TMUB2: variants seen among roughly 807,000 people sequenced by gnomAD.
TMUB2 encodes the protein transmembrane and ubiquitin like domain containing 2, also known as transmembrane and ubiquitin-like domain-containing protein 2.
TMUB2 carries 19 observed loss-of-function variants against 20.2 expected under a neutral mutation model. The ratio of observed to expected loss-of-function variants is 0.94; its 90% confidence interval spans 0.66 to 1.38. TMUB2 has a LOEUF of 1.38. Ranked by LOEUF, TMUB2 falls within the 40% of genes most tolerant of loss-of-function variation. The pLI, the probability that TMUB2 is intolerant of heterozygous loss-of-function variation, is 0.00. For synonymous variants in TMUB2, 186 were observed against 166.0 expected (o/e 1.12, Z -0.92); for missense variants, 426 against 402.5 (o/e 1.06, Z -0.50).
intron 3 of TMUB2, 193 bp from the exon 4 acceptor site, chr17:44,190,308 G>A (rs1379492403): frequency 2.8e-5 from 15 of 537,858 alleles, no homozygotes; most frequent in Admixed American, 1.4e-4. Flanking sequence ...CCGAGATCGC[G>A]CCACTGCACT....
At position 44,187,726 on chromosome 17, in the gene TMUB2, TCAAAA is replaced by T. The variant is rs1459573761; in HGVS notation, c.22_26del (p.Asn8ProfsTer16). 2 of 718,642 alleles carry T rather than the reference TCAAAA, an allele frequency of 2.8e-6. No homozygotes were observed. The highest frequency in any genetic ancestry group is 3.0e-5 in the South Asian group (2 of 67,606). The allele number at this position is 718,642 out of a possible 1,614,324, so 44.5% of individuals were successfully genotyped here. A position where few individuals can be genotyped will look rare whatever the true frequency, so the allele number is the denominator to read the frequency against. Reference sequence around the variant, plus strand: ...TTGCTTCGATGATTTCACGTCATCTTCAAAACAACCTCATGAGGTAGGTACTGTTT... The same window carrying T: ...TTGCTTCGATGATTTCACGTCATCTTCAACCTCATGAGGTAGGTACTGTTT... On this transcript the variant is annotated frameshift_variant, in exon 2 of 4. Transcript: ENST00000538716. LOFTEE classifies it high-confidence loss of function.
rs2055422141 is a variant in TMUB2 at position 44,190,726 on chromosome 17, T to C, written c.828T>C (p.Pro276=). 1 of 1,614,126 alleles carries C rather than the reference T, an allele frequency of 6.2e-7. No homozygotes were observed. Among genetic ancestry groups the C allele is most frequent in the African/African-American group, 1.3e-5 (1 of 74,942 alleles). Residue 276 remains proline, a synonymous_variant, in exon 4 of 4, where the codon CCT becomes CCC. Transcript: ENST00000538716. ...TCAATGTGGGCAGCCTCATGGTGCC[T>C]GTCTTTGTGGTGCTGTTGGGTGTGG... The part of the protein sequence containing the change: ...LGVNVGSLMV[P]VFVVLLGVVW...
rs982154843 is a variant in TMUB2 at position 44,189,105 on chromosome 17, C to T, written c.119C>T (p.Ala40Val). 6.8e-6 allele frequency: 11 copies of T among 1,613,906 alleles called. No individual in the cohort carries two copies. Among genetic ancestry groups the T allele is most frequent in the Non-Finnish European group, 9.3e-6 (11 of 1,180,010 alleles). The change falls in exon 3 of 4, where the codon GCA becomes GTA. Residue 40 changes from alanine (A) to valine (V), a missense_variant. Transcript: ENST00000538716. ...EGVGNEVMVV[A>V]GVVVLILALV... ...GTGGGTAATGAGGTGATGGTGGTGG[C>T]AGGTGTGGTGGTGCTGATTCTAGCC...
intron 3 of TMUB2, 65 bp from the exon 4 acceptor site, chr17:44,190,436 C>G: frequency 1.3e-6 from 2 of 1,518,456 alleles, no homozygotes; most frequent in Non-Finnish European, 1.8e-6. Flanking sequence ...CTTTGTTGGT[C>G]CAGGCCTGTT....
chr17:44,189,205 A>C lies in TMUB2; in HGVS notation c.219A>C (p.Ala73=), dbSNP rs758770870. 1 of 1,614,130 alleles carries C rather than the reference A, an allele frequency of 6.2e-7. No individual in the cohort carries two copies. Residue 73 remains alanine, a synonymous_variant, in exon 3 of 4, where the codon GCA becomes GCC. Coordinates refer to ENST00000538716, the MANE Select transcript of TMUB2 (RefSeq NM_001076674.3). ...SNQLLGAIVS[A]GDTSVLHLGH... ...AGCTCCTGGGCGCTATTGTGTCAGC[A>C]GGCGACACATCCGTCCTCCACCTGG...
At position 44,190,991 on chromosome 17, in the gene TMUB2, A is replaced by G. The variant is rs2055490119; in HGVS notation, c.*127A>G. On this transcript the variant is annotated 3_prime_UTR_variant, in exon 4 of 4. Transcript: ENST00000538716. The stretch of plus-strand genomic sequence containing the variant: ...AGGATGTGATGGAAATCTCCTCCAT[A>G]GGACACAGGAGGCAAGTATGCGGCC... 1.3e-6 allele frequency: 2 copies of G among 1,491,334 alleles called. No homozygotes were observed. Among genetic ancestry groups the G allele is most frequent in the Non-Finnish European group, 1.8e-6 (2 of 1,129,268 alleles). The allele number at this position is 1,491,334 out of a possible 1,614,324, so 92.4% of individuals were successfully genotyped here. A position where few individuals can be genotyped will look rare whatever the true frequency, so the allele number is the denominator to read the frequency against.
At position 44,190,486 on chromosome 17, in the gene TMUB2, C is replaced by G. The variant is rs935054186; in HGVS notation, c.603-15C>G. The G allele has an allele frequency of 7.0e-6, 11 of 1,576,900 alleles. No individual in the cohort carries two copies. Among genetic ancestry groups the G allele is most frequent in the Admixed American group, 1.7e-5 (1 of 57,412 alleles). ...TCACCCTCTATCTTTTCTTCCATGTCTTTCATCCTTACAGCAAATACTTCC... is the reference window on the plus strand; with the variant it reads ...TCACCCTCTATCTTTTCTTCCATGTGTTTCATCCTTACAGCAAATACTTCC... On this transcript the variant is annotated splice_polypyrimidine_tract_variant and intron_variant, in intron 3 of 3. Coordinates refer to ENST00000538716, the MANE Select transcript of TMUB2 (RefSeq NM_001076674.3).
At position 44,190,937 on chromosome 17, in the gene TMUB2, G is replaced by T; in HGVS notation, c.*73G>T. 6.6e-7 allele frequency: 1 copy of T among 1,524,470 alleles called. No homozygotes were observed. Among genetic ancestry groups the T allele is most frequent in the South Asian group, 1.3e-5 (1 of 75,666 alleles). The allele number at this position is 1,524,470 out of a possible 1,614,324, so 94.4% of individuals were successfully genotyped here. A position where few individuals can be genotyped will look rare whatever the true frequency, so the allele number is the denominator to read the frequency against. On this transcript the variant is annotated 3_prime_UTR_variant, in exon 4 of 4. Coordinates refer to ENST00000538716, the MANE Select transcript of TMUB2 (RefSeq NM_001076674.3). Reference sequence around the variant, plus strand: ...CCCCACTTTTCCTGGCCAGAGCTGGGCCCAAGGGCCGGGGAGGGAGGGGTG... The same window carrying T: ...CCCCACTTTTCCTGGCCAGAGCTGGTCCCAAGGGCCGGGGAGGGAGGGGTG...
In TMUB2 at chr17:44,191,300, T is replaced by G. The variant is rs897921151; in HGVS notation, c.*436T>G. ...GGAGCCTGGAGTATCCTTCCATTTCTCAGCCAAATACTCATCTTTTGAGAC... is the reference window on the plus strand; with the variant it reads ...GGAGCCTGGAGTATCCTTCCATTTCGCAGCCAAATACTCATCTTTTGAGAC... On this transcript the variant is annotated 3_prime_UTR_variant, in exon 4 of 4. Coordinates refer to ENST00000538716, the MANE Select transcript of TMUB2 (RefSeq NM_001076674.3). 23 of 995,236 alleles carry G rather than the reference T, an allele frequency of 2.3e-5. No homozygotes were observed. The highest frequency in any genetic ancestry group is 2.5e-5 in the Non-Finnish European group (21 of 835,578). The allele number at this position is 995,236 out of a possible 1,614,324, so 61.7% of individuals were successfully genotyped here.
At position 44,190,947 on chromosome 17, in the gene TMUB2, C is replaced by G; in HGVS notation, c.*83C>G. Reference sequence around the variant, plus strand: ...CCTGGCCAGAGCTGGGCCCAAGGGCCGGGGAGGGAGGGGTGGAAAGGATGT... The same window carrying G: ...CCTGGCCAGAGCTGGGCCCAAGGGCGGGGGAGGGAGGGGTGGAAAGGATGT... On this transcript the variant is annotated 3_prime_UTR_variant, in exon 4 of 4. Coordinates refer to ENST00000538716, the MANE Select transcript of TMUB2 (RefSeq NM_001076674.3). 2 of 1,517,080 alleles carry G rather than the reference C, an allele frequency of 1.3e-6. No homozygotes were observed. The highest frequency in any genetic ancestry group is 4.4e-5 in the Admixed American group (2 of 45,966). 94.0% of individuals were successfully genotyped at this position (1,517,080 alleles called of 1,614,324 possible).
chr17:44,187,970 C>T (rs1034336215), intron 2 of TMUB2: 1 of 553,656 alleles, frequency 1.8e-6, no homozygotes, highest in Non-Finnish European at 3.2e-6. Context: ...GAAATACATA[C>T]GATCCTTGTC....
Position 44,190,674 on chromosome 17 carries a change from C to G in TMUB2, c.776C>G (p.Ser259Trp). 6.2e-7 allele frequency: 1 copy of G among 1,614,222 alleles called. No homozygotes were observed. Among genetic ancestry groups the G allele is most frequent in the Non-Finnish European group, 8.5e-7 (1 of 1,180,034 alleles). The change falls in exon 4 of 4, where the codon TCG (serine) becomes TGG (tryptophan). Residue 259 changes from serine to tryptophan, a missense_variant. Physicochemically the swap from Ser to Trp is radical, Grantham distance 177. Coordinates refer to ENST00000538716, the MANE Select transcript of TMUB2 (RefSeq NM_001076674.3). Reference protein sequence around the residue: ...VPGPSASLAPSATEPPSLGVN... With the variant: ...VPGPSASLAPWATEPPSLGVN... Reference sequence around the variant, plus strand: ...GGCCCCTCAGCCTCCTTGGCCCCCTCGGCCACTGAGCCACCCAGCCTTGGT... The same window carrying G: ...GGCCCCTCAGCCTCCTTGGCCCCCTGGGCCACTGAGCCACCCAGCCTTGGT...
chr17:44,190,423 C>G, intron 3 of TMUB2, 78 bp from the exon 4 acceptor site: 1 of 1,463,230 alleles, frequency 6.8e-7, no homozygotes, highest in South Asian at 1.4e-5. Context: ...CCCCACTCCC[C>G]TGCTTTGTTG....
chr17:44,190,117 C>CGG (rs112348960), intron 3 of TMUB2: 4,740 of 179,400 alleles, frequency 0.026, 256 homozygotes, highest in African/African-American at 0.11. Context: ...GAGGCCAAGG[C>CGG]GGGCAGATCA....
At chr17:44,190,369 AAAG>A (rs2055324858) in intron 3 of TMUB2, 129 bp from the exon 4 acceptor site, 7 of 898,012 alleles carry the variant, frequency 7.8e-6, no homozygotes, top group East Asian at 2.9e-5. Context: ...AAAAAAAAAA[AAAG>A]GATAAAGATG....
At chr17:44,187,512 C>A (rs2054621578) in intron 1 of TMUB2, 164 bp from the exon 2 acceptor site, 1 of 605,746 alleles carries the variant, frequency 1.7e-6, no homozygotes, top group Non-Finnish European at 3.0e-6. Context: ...CCGGGCCCCT[C>A]CCCACGAGAG....
At chr17:44,190,090 T>G (rs1196746018) in intron 3 of TMUB2, 1 of 171,964 alleles carries the variant, frequency 5.8e-6, no homozygotes, top group African/African-American at 2.5e-5. Flanking sequence ...CTCACGCCTG[T>G]AATCCCAGCA....
In TMUB2 at chr17:44,190,751, G is replaced by C. The variant is rs1305426898; in HGVS notation, c.853G>C (p.Val285Leu). Residue 285 changes from valine to leucine, a missense_variant, in exon 4 of 4, where the codon GTC becomes CTC. Physicochemically the swap from Val to Leu is conservative, Grantham distance 32. Coordinates refer to ENST00000538716, the MANE Select transcript of TMUB2 (RefSeq NM_001076674.3). Reference sequence around the variant, plus strand: ...TGTCTTTGTGGTGCTGTTGGGTGTGGTCTGGTACTTCCGAATCAATTACCG... The same window carrying C: ...TGTCTTTGTGGTGCTGTTGGGTGTGCTCTGGTACTTCCGAATCAATTACCG... ...VPVFVVLLGV[V>L]WYFRINYRQF... 1.5e-5 allele frequency: 24 copies of C among 1,614,176 alleles called. No individual in the cohort carries two copies. The highest frequency in any genetic ancestry group is 1.6e-4 in the Middle Eastern group (1 of 6,062).
In TMUB2 at chr17:44,188,868, G is replaced by A. The variant is rs903180430; in HGVS notation, c.36-154G>A. The stretch of plus-strand genomic sequence containing the variant: ...GGTAGGTCTTTAGGTTTAGGTTGGG[G>A]TGCCGGAATTAGGAAGGTTTGTGCC... On this transcript the variant is annotated intron_variant, in intron 2 of 3. Transcript: ENST00000538716. 1.1e-5 allele frequency: 15 copies of A among 1,325,870 alleles called. No individual in the cohort carries two copies. The African/African-American group carries it at 1.8e-4, about 16-fold the overall frequency. The allele number at this position is 1,325,870 out of a possible 1,614,324, so 82.1% of individuals were successfully genotyped here.
Sources: allele counts gnomAD v4.1 joint callset, GRCh38; gene constraint gnomAD v4.1.1; transcripts MANE v1.5; gene names NCBI Gene and HGNC (gene_info 2026-07-23, HGNC 2026-07-21).